The following PXMP2 variants were observed in gnomAD, a reference collection of about 807,000 sequenced individuals.
PXMP2 encodes the protein 22 kDa peroxisomal membrane protein.
PXMP2 carries 13 observed loss-of-function variants against 20.2 expected under a neutral mutation model. The observed-to-expected ratio is 0.64, with a 90% CI of 0.42 to 1.02. The LOEUF is 1.02. Among genes scored for constraint, PXMP2 ranks in the 50% least tolerant of loss-of-function variants. The pLI is 0.00. For missense variants in PXMP2, 284 were observed against 251.8 expected, an observed-to-expected ratio of 1.13 and a Z score of -0.87; for synonymous variants, 113 against 111.2, an observed-to-expected ratio of 1.02 and a Z score of -0.10.
At chr12:132,704,384 G>C (rs1565994333) in intron 4 of PXMP2, among the ~76,000 whole-genome samples, 1 of 152,142 alleles carries the variant, frequency 6.6e-6, no homozygotes, top group Non-Finnish European at 1.5e-5. Context: ...GGATTCCTGG[G>C]CCGCTGTAGC....
rs772587538 is a variant in PXMP2 at position 132,690,339 on chromosome 12, C to G, written c.199C>G (p.Leu67Val). Residue 67 changes from leucine to valine, a missense_variant, in exon 2 of 5, where the codon CTG (leucine) becomes GTG (valine). Coordinates refer to ENST00000317479, the MANE Select transcript of PXMP2 (RefSeq NM_018663.3). ...GCGGAAAAAAGAAAACTCTAGAAGT[C>G]TGGATGTCGGTGGGCCTCTGAGATA... Reference protein sequence around the residue: ...KKRKKENSRSLDVGGPLRYAV... With the variant: ...KKRKKENSRSVDVGGPLRYAV... 1.2e-5 allele frequency: 20 copies of G among 1,613,448 alleles called. No homozygotes were observed. The highest frequency in any genetic ancestry group is 1.6e-5 in the Non-Finnish European group (19 of 1,179,788).
Position 132,704,821 on chromosome 12 carries a change from G to A in PXMP2, c.*134G>A. The A allele has an allele frequency of 1.2e-6, 1 of 856,302 alleles. No homozygotes were observed. Among genetic ancestry groups the A allele is most frequent in the South Asian group, 1.4e-5 (1 of 70,138 alleles). 53.0% of individuals were successfully genotyped at this position (856,302 alleles called of 1,614,324 possible). On this transcript the variant is annotated 3_prime_UTR_variant, in exon 5 of 5. Coordinates refer to ENST00000317479, the MANE Select transcript of PXMP2 (RefSeq NM_018663.3). ...TGATTCAAGATGCCCAAAAATGATG[G>A]ATAGAGAAACAGAAATCTCTGAATG...
chr12:132,691,992 G>C (rs1414527850), intron 2 of PXMP2, among the ~76,000 whole-genome samples: 1 of 151,528 alleles, frequency 6.6e-6, no homozygotes, highest in Non-Finnish European at 1.5e-5. Flanking sequence ...TCCCTTGCCA[G>C]TTAGTTAGTG....
chr12:132,690,184 G>A (rs2043357924), intron 1 of PXMP2, 79 bp from the exon 2 acceptor site: 11 of 1,127,626 alleles, frequency 9.8e-6, no homozygotes, highest in Admixed American at 3.6e-5. Flanking sequence ...GCCTCAGAAC[G>A]GCCCTGCTAA....
chr12:132,702,960 C>T (rs1030368073), intron 4 of PXMP2, among the ~76,000 whole-genome samples: 1 of 152,172 alleles, frequency 6.6e-6, no homozygotes, highest in African/African-American at 2.4e-5. Flanking sequence ...ACAGACAGGA[C>T]AAAGAGGCAG....
chr12:132,687,728 C>G lies in PXMP2; in HGVS notation c.58C>G (p.Arg20Gly), dbSNP rs2043313966. Reference protein sequence around the residue: ...AEAGLGALPRRALAQYLLFLR... With the variant: ...AEAGLGALPRGALAQYLLFLR... ...AGCCGGGCTCGGGGCGCTGCCGCGG[C>G]GGGCGCTCGCCCAGTACCTGCTCTT... Residue 20 changes from arginine (R) to glycine (G), a missense_variant, in exon 1 of 5, where the codon CGG (arginine) becomes GGG (glycine). Coordinates refer to ENST00000317479, the MANE Select transcript of PXMP2 (RefSeq NM_018663.3). The G allele has an allele frequency of 2.5e-6, 3 of 1,214,528 alleles. No homozygotes were observed. Among genetic ancestry groups the G allele is most frequent in the Non-Finnish European group, 2.1e-6 (2 of 974,434 alleles). The allele number at this position is 1,214,528 out of a possible 1,614,324, so 75.2% of individuals were successfully genotyped here.
At position 132,696,258 on chromosome 12, in the gene PXMP2, C is replaced by T. The variant is rs1455206073; in HGVS notation, c.399+212C>T. Among the ~76,000 whole-genome samples the T allele has an allele frequency of 6.6e-6, 1 of 152,006 alleles. No homozygotes were observed. Among genetic ancestry groups the T allele is most frequent in the African/African-American group, 2.4e-5 (1 of 41,358 alleles). On this transcript the variant is annotated intron_variant, in intron 3 of 4. Transcript: ENST00000317479. This position sits in a 1 kb window ranked among gnomAD's most constrained non-coding sequence, Gnocchi z 4.4. ...CTTTATTTATTTATTTATTTAAAGA[C>T]AGGGTTTCACTCTGTCACCCAGGCT...
At chr12:132,702,484 A>T in intron 4 of PXMP2, 1 of 413,862 alleles carries the variant, frequency 2.4e-6, no homozygotes, top group Non-Finnish European at 4.9e-6. Flanking sequence ...CACCCCCTGC[A>T]GCATGGCAGG....
chr12:132,698,038 G>A (rs1424391676), intron 3 of PXMP2, among the ~76,000 whole-genome samples: 1 of 148,108 alleles, frequency 6.8e-6, no homozygotes, highest in Non-Finnish European at 1.5e-5. Flanking sequence ...TTGAGACGGA[G>A]TCTCACACTG....
chr12:132,687,710 C>A lies in PXMP2; in HGVS notation c.40C>A (p.Leu14Ile). 1 of 1,202,740 alleles carries A rather than the reference C, an allele frequency of 8.3e-7. No homozygotes were observed. Among genetic ancestry groups the A allele is most frequent in the Non-Finnish European group, 1.0e-6 (1 of 969,640 alleles). 74.5% of individuals were successfully genotyped at this position (1,202,740 alleles called of 1,614,324 possible). ...GTCCAGGCTGCGGGCCGAAGCCGGG[C>A]TCGGGGCGCTGCCGCGGCGGGCGCT... ...AASRLRAEAG[L>I]GALPRRALAQ... The change falls in exon 1 of 5, where the codon CTC (leucine) becomes ATC (isoleucine). Residue 14 changes from leucine to isoleucine, a missense_variant. By Grantham distance (5) the Leu-to-Ile change is conservative (BLOSUM62 2). Transcript: ENST00000317479.
intron 4 of PXMP2, among the ~76,000 whole-genome samples, chr12:132,703,267 T>C (rs551744931): frequency 6.6e-6 from 1 of 152,316 alleles, no homozygotes; most frequent in Non-Finnish European, 1.5e-5. Context: ...ACCCCATCTC[T>C]ATTTTATAAA....
intron 1 of PXMP2, chr12:132,688,052 T>G: frequency 4.7e-6 from 1 of 214,404 alleles, no homozygotes. Flanking sequence ...GGCGCTGAGG[T>G]TCCACCCAAG....
In PXMP2 at chr12:132,687,597, C is replaced by T. The variant is rs2043310155; in HGVS notation, c.-74C>T. The T allele has an allele frequency of 3.4e-6, 4 of 1,165,952 alleles. No individual in the cohort carries two copies. The highest frequency in any genetic ancestry group is 4.2e-6 in the Non-Finnish European group (4 of 944,372). The allele number at this position is 1,165,952 out of a possible 1,614,324, so 72.2% of individuals were successfully genotyped here. A position where few individuals can be genotyped will look rare whatever the true frequency, so the allele number is the denominator to read the frequency against. Reference sequence around the variant, plus strand: ...TGTCAGGCGGTCCCCACTCCGCTCTCGGCGCCTCGGGCTCCGCGCCCGGCC... The same window carrying T: ...TGTCAGGCGGTCCCCACTCCGCTCTTGGCGCCTCGGGCTCCGCGCCCGGCC... On this transcript the variant is annotated 5_prime_UTR_variant, in exon 1 of 5. Coordinates refer to ENST00000317479, the MANE Select transcript of PXMP2 (RefSeq NM_018663.3).
At chr12:132,701,964 C>T (rs1011946465) in intron 4 of PXMP2, among the ~76,000 whole-genome samples, 1 of 152,276 alleles carries the variant, frequency 6.6e-6, no homozygotes, top group East Asian at 1.9e-4. Flanking sequence ...GTGGCAGGTG[C>T]CTGTAGTCCC....
intron 2 of PXMP2, among the ~76,000 whole-genome samples, chr12:132,691,156 A>T (rs2043364060): frequency 6.7e-6 from 1 of 148,844 alleles, no homozygotes; most frequent in Admixed American, 6.8e-5. Flanking sequence ...GGTTCACGCC[A>T]TTCTCCCGAC....
At position 132,689,335 on chromosome 12, in the gene PXMP2, G is replaced by A. The variant is rs116598124; in HGVS notation, c.123-928G>A. 2.8e-3 allele frequency among the ~76,000 whole-genome samples: 427 copies of A among 152,300 alleles called. 4 individuals are homozygous for A. Among genetic ancestry groups the A allele is most frequent in the African/African-American group, 0.01 (420 of 41,542 alleles). On this transcript the variant is annotated intron_variant, in intron 1 of 4. Transcript: ENST00000317479. ...GGGTGGAGACACGGCCAGGGAAGGT[G>A]TTTTGAGAAGGTGACATTGAACAGG... is the stretch of plus-strand genomic sequence containing the variant.
chr12:132,698,230 T>C (rs2043420952), intron 3 of PXMP2, among the ~76,000 whole-genome samples: 1 of 152,128 alleles, frequency 6.6e-6, no homozygotes. Context: ...CAGGTTGGTA[T>C]TGAACTCCTG....
chr12:132,690,407 T>C (rs1281027809), intron 2 of PXMP2, 31 bp downstream of exon 2: 7 of 1,564,706 alleles, frequency 4.5e-6, no homozygotes, highest in Non-Finnish European at 5.3e-6. Context: ...GGGTTTACCT[T>C]GTAGCCGCTG....
chr12:132,700,848 C>G (rs1283267242), intron 3 of PXMP2, among the ~76,000 whole-genome samples: 3 of 140,068 alleles, frequency 2.1e-5, no homozygotes, highest in Admixed American at 7.2e-5. Flanking sequence ...TACTGGAGTC[C>G]TTTTTTTTTT....
Sources: gnomAD v4.1 joint callset for allele counts (sites outside exome capture counted in the v4.1 genomes callset) on GRCh38, gnomAD v4.1.1 for gene constraint, Gnocchi (gnomAD v3.1) non-coding constraint, MANE v1.5 for transcripts, NCBI Gene and HGNC (gene_info 2026-07-23, HGNC 2026-07-21) for gene names.